The following FGGY variants were observed in gnomAD, a reference collection of about 807,000 sequenced individuals.
FGGY encodes the protein FGGY carbohydrate kinase domain-containing protein.
Under a neutral mutation model 71.3 loss-of-function variants are expected in FGGY, and 72 were observed. The ratio of observed to expected loss-of-function variants is 1.01; its 90% CI spans 0.84 to 1.23. The LOEUF (loss-of-function observed/expected upper bound fraction) is 1.23, where lower values mean the gene tolerates loss of function less well. Among genes scored for constraint, FGGY ranks in the 50% most tolerant of loss-of-function variants. The pLI, the probability that FGGY is intolerant of heterozygous loss-of-function variation, is 0.00. For missense variants in FGGY, 668 were observed against 682.3 expected, an observed-to-expected ratio of 0.98 and a Z score of 0.23; for synonymous variants, 251 against 250.3, an observed-to-expected ratio of 1.00 and a Z score of -0.02.
rs775006706 is a variant in FGGY, at chr1:59,674,055, G to T, written c.1434G>T (p.Leu478=). ...CCTGCGCAGGCATGCCTGTGGTCCT[G>T]TCGCAAGAGGTGGAGTCCGTTCTTG... ...HADITGMPVV[L]SQEVESVLVG... Residue 478 remains leucine, a synonymous_variant, in exon 14 of 16, where the codon CTG becomes CTT. Coordinates refer to ENST00000303721, the MANE Select transcript of FGGY (RefSeq NM_018291.5). The T allele has an allele frequency of 9.3e-6, 15 of 1,613,754 alleles. No homozygotes were observed. Among genetic ancestry groups the T allele is most frequent in the Middle Eastern group, 3.3e-4 (2 of 6,084 alleles).
intron 7 of FGGY, among the ~76,000 whole-genome samples, chr1:59,520,197 A>G (rs762942028): frequency 6.6e-6 from 1 of 152,234 alleles, no homozygotes; most frequent in Non-Finnish European, 1.5e-5. Context: ...AGAAGCCAAA[A>G]AGCAGCCCAC....
At chr1:59,596,036 C>T (rs146931971) in intron 8 of FGGY, among the ~76,000 whole-genome samples, 8 of 152,268 alleles carry the variant, frequency 5.3e-5, no homozygotes, top group Non-Finnish European at 7.4e-5. Context: ...TACATATTAG[C>T]GTGATCTTTT....
intron 5 of FGGY, among the ~76,000 whole-genome samples, chr1:59,382,953 T>A (rs1169458835): frequency 6.6e-6 from 1 of 152,180 alleles, no homozygotes; most frequent in African/African-American, 2.4e-5. Flanking sequence ...TGAAGTTAGC[T>A]GTGGCTCAGA....
upstream of FGGY, chr1:59,296,756 G>T (rs2042003204): frequency 6.6e-6 from 1 of 150,796 alleles, no homozygotes; most frequent in Non-Finnish European, 1.5e-5. Context: ...CAGGGGCCGC[G>T]CTTTACAGGG....
intron 5 of FGGY, among the ~76,000 whole-genome samples, chr1:59,418,919 G>A (rs1412356999): frequency 2.0e-5 from 3 of 152,122 alleles, no homozygotes; most frequent in Non-Finnish European, 2.9e-5. Context: ...AGGCACATTT[G>A]GGCTACAGGC....
Position 59,536,975 on chromosome 1 carries a change from T to C in FGGY, c.800-17149T>C, listed in dbSNP as rs1165812664. Among the ~76,000 whole-genome samples, 8 of 152,000 alleles carry C rather than the reference T, an allele frequency of 5.3e-5. No individual in the cohort carries two copies. In the East Asian group the frequency reaches 1.2e-3, roughly 22 times the overall value. ...CCTCTCTCACCACTCCTATTCAACA[T>C]AGTGTTGGAAGTTCTGGCCAGGGCA... On this transcript the variant is annotated intron_variant, in intron 7 of 15. Coordinates refer to ENST00000303721, the MANE Select transcript of FGGY (RefSeq NM_018291.5).
chr1:59,301,159 C>T (rs1176478517), intron 1 of FGGY, among the ~76,000 whole-genome samples: 1 of 152,116 alleles, frequency 6.6e-6, no homozygotes, highest in Non-Finnish European at 1.5e-5. Context: ...TGTTTTGTAG[C>T]TCTCAATATG....
At chr1:59,422,765 G>T (rs2065682945) in intron 5 of FGGY, among the ~76,000 whole-genome samples, 1 of 151,370 alleles carries the variant, frequency 6.6e-6, no homozygotes, top group African/African-American at 2.4e-5. Context: ...ATAAGCACTA[G>T]GTAAATATTA....
At chr1:59,509,459 T>G (rs2094467610) in intron 6 of FGGY, among the ~76,000 whole-genome samples, 1 of 152,200 alleles carries the variant, frequency 6.6e-6, no homozygotes, top group South Asian at 2.1e-4. Context: ...TACAGTGGGC[T>G]TCATGATTAA....
intron 13 of FGGY, among the ~76,000 whole-genome samples, chr1:59,670,003 T>C (rs926598840): frequency 3.9e-5 from 6 of 152,086 alleles, no homozygotes; most frequent in African/African-American, 1.5e-4. Context: ...AGGCTGTTAA[T>C]CGTTATTTGG....
chr1:59,396,856 TAG>T (rs2061387098), intron 5 of FGGY, among the ~76,000 whole-genome samples: 1 of 152,144 alleles, frequency 6.6e-6, no homozygotes. Context: ...CTGTAAGAGA[TAG>T]AGTTAGTCAC....
At chr1:59,404,970 T>C (rs945156494) in intron 5 of FGGY, among the ~76,000 whole-genome samples, 1 of 152,190 alleles carries the variant, frequency 6.6e-6, no homozygotes, top group African/African-American at 2.4e-5. Flanking sequence ...CAACACGTGA[T>C]GATGAGCATA....
At position 59,638,360 on chromosome 1, in the gene FGGY, G is replaced by C. The variant is rs778784981; in HGVS notation, c.1206G>C (p.Leu402=). The change falls in exon 11 of 16, where the codon CTG becomes CTC. Residue 402 remains leucine (L), a synonymous_variant. Coordinates refer to ENST00000303721, the MANE Select transcript of FGGY (RefSeq NM_018291.5). ...FHGNRSPLAD[L]TLKGMVTGLK... ...GCAACCGGTCTCCCTTAGCAGATCT[G>C]ACACTAAAGGGCATGGTAAGTAACA... 6.2e-7 allele frequency: 1 copy of C among 1,614,188 alleles called. No homozygotes were observed. Among genetic ancestry groups the C allele is most frequent in the East Asian group, 2.2e-5 (1 of 44,882 alleles).
intron 2 of FGGY, among the ~76,000 whole-genome samples, chr1:59,338,567 C>G (rs1043160032): frequency 2.0e-5 from 3 of 151,918 alleles, no homozygotes. Context: ...TTCCATAACC[C>G]CAAAATGGTG....
chr1:59,449,348 A>G (rs1379310755), intron 5 of FGGY, among the ~76,000 whole-genome samples: 6 of 152,174 alleles, frequency 3.9e-5, no homozygotes, highest in Admixed American at 2.0e-4. Flanking sequence ...CAATGGCACA[A>G]TCTCGGCTCA....
At chr1:59,677,530 T>G (rs1163486899) in intron 14 of FGGY, among the ~76,000 whole-genome samples, 1 of 152,158 alleles carries the variant, frequency 6.6e-6, no homozygotes, top group Non-Finnish European at 1.5e-5. Context: ...TAGGAAAAAC[T>G]TTTATGTGCT....
intron 4 of FGGY, among the ~76,000 whole-genome samples, chr1:59,364,716 G>A (rs1174612713): frequency 6.6e-6 from 1 of 152,202 alleles, no homozygotes; most frequent in Non-Finnish European, 1.5e-5. Flanking sequence ...TAGGGGCATA[G>A]CATAAGAGCA....
chr1:59,455,417 A>G (rs2153508175), intron 5 of FGGY, among the ~76,000 whole-genome samples: 1 of 152,318 alleles, frequency 6.6e-6, no homozygotes, highest in Admixed American at 6.5e-5. Context: ...GGCTCACTAT[A>G]GCAAACTCCA....
intron 10 of FGGY, among the ~76,000 whole-genome samples, chr1:59,629,730 A>G (rs2096890917): frequency 6.6e-6 from 1 of 152,222 alleles, no homozygotes; most frequent in African/African-American, 2.4e-5. Context: ...CTAAATTTAT[A>G]GTCTGGAGAC....
Sources: allele counts gnomAD v4.1 joint callset (sites outside exome capture counted in the v4.1 genomes callset), GRCh38; gene constraint gnomAD v4.1.1; transcripts MANE v1.5; gene names NCBI Gene and HGNC (gene_info 2026-07-23, HGNC 2026-07-21).